PTPRD: variants seen among roughly 807,000 people sequenced by gnomAD.
PTPRD encodes the protein protein tyrosine phosphatase receptor type D.
Under a neutral mutation model 214.5 loss-of-function variants are expected in PTPRD, and 34 were observed. The observed-to-expected ratio is 0.16, with a 90% CI of 0.12 to 0.21. The LOEUF is 0.21. PTPRD is among the 10% of genes least tolerant of loss of function. PTPRD has a pLI of 1.00. For missense variants in PTPRD, 2,545 were observed against 2,398.7 expected, an observed-to-expected ratio of 1.06 and a Z score of -1.27; for synonymous variants, 1,128 against 845.7, an observed-to-expected ratio of 1.33 and a Z score of -5.79.
At chr9:8,621,339 G>C (rs149787071) in intron 14 of PTPRD, among the ~76,000 whole-genome samples, 83 of 152,040 alleles carry the variant, frequency 5.5e-4, no homozygotes, top group Middle Eastern at 3.4e-3. Flanking sequence ...TTGTGTAAAA[G>C]ACATCACATC....
At chr9:8,613,703 G>A (rs2095523366) in intron 14 of PTPRD, among the ~76,000 whole-genome samples, 1 of 152,088 alleles carries the variant, frequency 6.6e-6, no homozygotes, top group African/African-American at 2.4e-5. Flanking sequence ...GCCACTCGCT[G>A]AGCCTGATTT....
chr9:8,594,868 T>A (rs1248503055), intron 14 of PTPRD, among the ~76,000 whole-genome samples: 8 of 148,598 alleles, frequency 5.4e-5, no homozygotes, highest in Admixed American at 4.0e-4. Flanking sequence ...CCCTTTTTTT[T>A]TTTTTTTTTT....
At chr9:8,853,162 T>G (rs2097851283) in intron 11 of PTPRD, among the ~76,000 whole-genome samples, 1 of 152,202 alleles carries the variant, frequency 6.6e-6, no homozygotes, top group East Asian at 1.9e-4. Context: ...TCGTAAGAAT[T>G]CTAATTCATT....
chr9:8,909,083 A>G (rs1201685559), intron 11 of PTPRD, among the ~76,000 whole-genome samples: 1 of 151,974 alleles, frequency 6.6e-6, no homozygotes, highest in Non-Finnish European at 1.5e-5. Context: ...AACTGACTCA[A>G]AAAGAAAAAC....
chr9:8,581,626 T>C (rs1365237936), intron 14 of PTPRD, among the ~76,000 whole-genome samples: 1 of 152,092 alleles, frequency 6.6e-6, no homozygotes, highest in African/African-American at 2.4e-5. Flanking sequence ...CAGATGCCTG[T>C]AGTCCCAGCT....
intron 4 of PTPRD, among the ~76,000 whole-genome samples, chr9:10,025,937 G>A (rs2096914848): frequency 6.6e-6 from 1 of 152,144 alleles, no homozygotes; most frequent in East Asian, 1.9e-4. Context: ...AGACCAGGCA[G>A]GCATGAACAG....
At chr9:8,960,288 TATC>T (rs889978300) in intron 11 of PTPRD, among the ~76,000 whole-genome samples, 4 of 152,104 alleles carry the variant, frequency 2.6e-5, no homozygotes, top group African/African-American at 9.7e-5. Context: ...TATCATTAGT[TATC>T]ATGATTGCTA....
intron 2 of PTPRD, among the ~76,000 whole-genome samples, chr9:10,503,733 G>A (rs1222085613): frequency 6.6e-6 from 1 of 152,012 alleles, no homozygotes; most frequent in South Asian, 2.1e-4. Context: ...TATATGGTGG[G>A]TGAGACAATT....
chr9:10,110,658 C>G, intron 3 of PTPRD, among the ~76,000 whole-genome samples: 1 of 152,188 alleles, frequency 6.6e-6, no homozygotes, highest in Non-Finnish European at 1.5e-5. Flanking sequence ...AAGGCTATAT[C>G]TTGCCAAAAG....
At chr9:9,001,296 G>C (rs972159340) in intron 11 of PTPRD, among the ~76,000 whole-genome samples, 1 of 152,008 alleles carries the variant, frequency 6.6e-6, no homozygotes, top group Admixed American at 6.6e-5. Context: ...AGGAGCCTTT[G>C]AGCTATCTGT....
In PTPRD at chr9:9,216,677, C is replaced by T. The variant is rs116097598; in HGVS notation, c.-202-33314G>A. 7.0e-3 allele frequency among the ~76,000 whole-genome samples: 1,070 copies of T among 152,168 alleles called. 10 individuals carry two copies. The highest frequency in any genetic ancestry group is 0.024 in the African/African-American group (996 of 41,530). ...TCAGCTTGGGTCTAGAAAGACCAAG[C>T]TTGGTATCATTCCTCTGTTTTGTGC... On this transcript the variant is annotated intron_variant, in intron 9 of 45. Coordinates refer to ENST00000381196, the MANE Select transcript of PTPRD (RefSeq NM_002839.4).
chr9:9,485,216 A>C (rs2147293822), intron 8 of PTPRD, among the ~76,000 whole-genome samples: 1 of 152,310 alleles, frequency 6.6e-6, no homozygotes, highest in South Asian at 2.1e-4. Context: ...ATGGGTAAAA[A>C]AATTGAAGCA....
At chr9:10,456,646 G>C (rs970210936) in intron 2 of PTPRD, among the ~76,000 whole-genome samples, 1 of 151,894 alleles carries the variant, frequency 6.6e-6, no homozygotes, top group African/African-American at 2.4e-5. Context: ...TGCAGACTCA[G>C]ACACAGCAGA....
At chr9:8,826,703 C>A (rs2097182682) in intron 11 of PTPRD, among the ~76,000 whole-genome samples, 1 of 151,490 alleles carries the variant, frequency 6.6e-6, no homozygotes. Context: ...TACTCTCCTG[C>A]TGGACGGTAA....
chr9:10,288,459 T>C (rs2095430084), intron 3 of PTPRD, among the ~76,000 whole-genome samples: 1 of 152,180 alleles, frequency 6.6e-6, no homozygotes, highest in Non-Finnish European at 1.5e-5. Context: ...CAATACAACT[T>C]AGCTTTTGTT....
At chr9:8,326,700 G>T (rs1240844973) in intron 44 of PTPRD, among the ~76,000 whole-genome samples, 1 of 151,340 alleles carries the variant, frequency 6.6e-6, no homozygotes, top group South Asian at 2.1e-4. Context: ...ACTTTTTTTG[G>T]TTGCTAGGCT....
intron 10 of PTPRD, among the ~76,000 whole-genome samples, chr9:9,025,687 A>C (rs762203790): frequency 6.6e-6 from 1 of 152,050 alleles, no homozygotes; most frequent in Non-Finnish European, 1.5e-5. Flanking sequence ...AAGATATTGT[A>C]ATGGAAAAAG....
intron 6 of PTPRD, among the ~76,000 whole-genome samples, chr9:9,735,219 A>T (rs1482725502): frequency 6.6e-6 from 1 of 152,146 alleles, no homozygotes; most frequent in African/African-American, 2.4e-5. Context: ...GGTTTTATAA[A>T]TGTTGTCTTG....
rs1332191 is a variant in PTPRD at position 9,425,724 on chromosome 9, T to C, written c.-236-28242A>G. Among the ~76,000 whole-genome samples the C allele has an allele frequency of 8.2e-4, 125 of 152,168 alleles. 1 individual carries two copies. Among genetic ancestry groups the C allele is most frequent in the African/African-American group, 2.6e-3 (106 of 41,546 alleles). ...TATAGTTTTGAGCAAAGGTAGCTTCTTGAGATATTTCTGCATACAGATTCA... is the reference window on the plus strand; with the variant it reads ...TATAGTTTTGAGCAAAGGTAGCTTCCTGAGATATTTCTGCATACAGATTCA... On this transcript the variant is annotated intron_variant, in intron 8 of 45. Coordinates refer to ENST00000381196, the MANE Select transcript of PTPRD (RefSeq NM_002839.4).
Sources: allele counts gnomAD v4.1 joint callset (sites outside exome capture counted in the v4.1 genomes callset), GRCh38; gene constraint gnomAD v4.1.1; transcripts MANE v1.5; gene names NCBI Gene and HGNC (gene_info 2026-07-23, HGNC 2026-07-21).